Variants in ATP8A1 observed in about 807,000 individuals in gnomAD.
The protein encoded by ATP8A1 is ATPase phospholipid transporting 8A1.
A neutral mutation model predicts 177.7 loss-of-function variants in ATP8A1; 90 were observed. The ratio of observed to expected loss-of-function variants is 0.51; its 90% CI spans 0.43 to 0.60. The LOEUF (loss-of-function observed/expected upper bound fraction) is 0.60. Ranked by LOEUF, ATP8A1 falls within the 20% of genes least tolerant of loss-of-function variation. ATP8A1 has a pLI of 0.00. For synonymous variants in ATP8A1, 493 were observed against 485.9 expected, an observed-to-expected ratio of 1.01 and a Z score of -0.19; for missense variants, 1,072 against 1,392.8, an observed-to-expected ratio of 0.77 and a Z score of 3.67.
At chr4:42,483,722 A>C (rs1332329854) in intron 25 of ATP8A1, among the ~76,000 whole-genome samples, 4 of 152,130 alleles carry the variant, frequency 2.6e-5, no homozygotes, top group Non-Finnish European at 5.9e-5. Flanking sequence ...CGACTTTTTG[A>C]AGAATGGTGG....
At chr4:42,424,176 T>C (rs1714316093) in intron 33 of ATP8A1, among the ~76,000 whole-genome samples, 1 of 152,018 alleles carries the variant, frequency 6.6e-6, no homozygotes, top group South Asian at 2.1e-4. Flanking sequence ...AAACCAAATA[T>C]CTTGTATGTA....
At position 42,586,625 on chromosome 4, in the gene ATP8A1, TAA is replaced by T. The variant is rs904667997; in HGVS notation, c.595-151_595-150del. On this transcript the variant is annotated intron_variant, in intron 8 of 36. Coordinates refer to ENST00000381668, the MANE Select transcript of ATP8A1 (RefSeq NM_006095.2). ...CTCCTCTACTCTGTCAAATCATAATTAAGAGACACCTTCCTCCCTGACTTGAG... is the reference window on the plus strand; with the variant it reads ...CTCCTCTACTCTGTCAAATCATAATTGAGACACCTTCCTCCCTGACTTGAG... The T allele has an allele frequency of 8.1e-5, 65 of 802,724 alleles. No homozygotes were observed. The African/African-American group carries it at 1.1e-3, about 14-fold the overall frequency. The allele number at this position is 802,724 out of a possible 1,614,324, so 49.7% of individuals were successfully genotyped here. A position where few individuals can be genotyped will look rare whatever the true frequency, so the allele number is the denominator to read the frequency against.
intron 15 of ATP8A1, among the ~76,000 whole-genome samples, chr4:42,560,349 T>C (rs571569918): frequency 1.2e-4 from 19 of 152,098 alleles, no homozygotes; most frequent in Non-Finnish European, 2.4e-4. Context: ...CTCCTTGAAT[T>C]TGTAATATGT....
intron 3 of ATP8A1, chr4:42,625,201 A>G (rs1737931247): frequency 6.5e-6 from 1 of 153,530 alleles, no homozygotes; most frequent in Non-Finnish European, 1.4e-5. Context: ...ATATTTTTTC[A>G]AATTTAAGCA....
At chr4:42,428,045 C>T (rs749939306) in intron 33 of ATP8A1, among the ~76,000 whole-genome samples, 1 of 152,188 alleles carries the variant, frequency 6.6e-6, no homozygotes, top group Non-Finnish European at 1.5e-5. Flanking sequence ...TGAATGTTAT[C>T]CAAGCTGTGA....
At chr4:42,490,339 A>G (rs76337106) in intron 24 of ATP8A1, among the ~76,000 whole-genome samples, 6,175 of 152,182 alleles carry the variant, frequency 0.041, 204 homozygotes, top group South Asian at 0.092. Context: ...AAGCCACCTC[A>G]CTGCGAGGGC....
chr4:42,433,412 C>A (rs1715525031), intron 33 of ATP8A1, among the ~76,000 whole-genome samples: 1 of 152,130 alleles, frequency 6.6e-6, no homozygotes, highest in Admixed American at 6.5e-5. Flanking sequence ...ATCCACTGAA[C>A]CCGGTATAGG....
intron 15 of ATP8A1, among the ~76,000 whole-genome samples, chr4:42,560,699 G>A (rs562469148): frequency 6.6e-6 from 1 of 152,042 alleles, no homozygotes; most frequent in African/African-American, 2.4e-5. Flanking sequence ...AATGTCCTGA[G>A]TAGACAGAAT....
chr4:42,468,329 A>C (rs773586087), intron 25 of ATP8A1, among the ~76,000 whole-genome samples: 1 of 152,132 alleles, frequency 6.6e-6, no homozygotes, highest in Non-Finnish European at 1.5e-5. Flanking sequence ...GACCAGCCCA[A>C]ATGCCCATCA....
chr4:42,570,020 T>C (rs772193227), intron 14 of ATP8A1, among the ~76,000 whole-genome samples: 1 of 152,184 alleles, frequency 6.6e-6, no homozygotes, highest in Non-Finnish European at 1.5e-5. Context: ...AGTTTTAAAA[T>C]GCAGAGTTCA....
chr4:42,542,771 CT>C (rs371080358), intron 20 of ATP8A1, among the ~76,000 whole-genome samples: 1 of 152,052 alleles, frequency 6.6e-6, no homozygotes, highest in Non-Finnish European at 1.5e-5. Context: ...TGAACTCATC[CT>C]TTTTTATGGT....
At chr4:42,528,992 A>G (rs1413833600) in intron 20 of ATP8A1, among the ~76,000 whole-genome samples, 1 of 152,170 alleles carries the variant, frequency 6.6e-6, no homozygotes, top group Non-Finnish European at 1.5e-5. Context: ...CCCCTCCTAC[A>G]ATGAGAGGCA....
rs1286852465 is a variant in ATP8A1, at chr4:42,581,743, T to C, written c.723-11A>G. 10 of 1,593,058 alleles carry C rather than the reference T, an allele frequency of 6.3e-6. No homozygotes were observed. Among genetic ancestry groups the C allele is most frequent in the Non-Finnish European group, 8.6e-6 (10 of 1,162,172 alleles). ...CCCAGTGGAACGGTGCTAGGACAGATTACGTTGACATTAGAAACAGTATTT... is the reference window on the plus strand; with the variant it reads ...CCCAGTGGAACGGTGCTAGGACAGACTACGTTGACATTAGAAACAGTATTT... On this transcript the variant is annotated splice_polypyrimidine_tract_variant and intron_variant, in intron 9 of 36. Coordinates refer to ENST00000381668, the MANE Select transcript of ATP8A1 (RefSeq NM_006095.2).
chr4:42,569,268 T>A, intron 14 of ATP8A1, 63 bp from the exon 15 acceptor site: 1 of 1,330,642 alleles, frequency 7.5e-7, no homozygotes, highest in Non-Finnish European at 1.0e-6. Context: ...GCTGGAAACA[T>A]AAAACCACGA....
intron 25 of ATP8A1, among the ~76,000 whole-genome samples, chr4:42,468,412 CATATTTT>C (rs889165191): frequency 1.4e-5 from 2 of 146,084 alleles, no homozygotes; most frequent in Non-Finnish European, 3.0e-5. Context: ...TTTATATATA[CATATTTT>C]ATATATTTTA....
Position 42,581,686 on chromosome 4 carries a change from A to G in ATP8A1, c.769T>C (p.Leu257=). The G allele has an allele frequency of 6.2e-7, 1 of 1,614,236 alleles. No individual in the cohort carries two copies. Among genetic ancestry groups the G allele is most frequent in the African/African-American group, 1.3e-5 (1 of 75,070 alleles). The part of the protein sequence containing the change: ...ADQILLRGAQ[L]RNTQWVHGIV... ...CCATGAACCCACTGTGTATTTCTCA[A>G]CTGAGCTCCTCGAAGAAGAATCTGA... The change falls in exon 10 of 37, where the codon TTG becomes CTG. Residue 257 remains leucine, a synonymous_variant. Coordinates refer to ENST00000381668, the MANE Select transcript of ATP8A1 (RefSeq NM_006095.2).
chr4:42,455,716 A>G (rs1027873643), intron 27 of ATP8A1, 117 bp from the exon 28 acceptor site: 15 of 852,340 alleles, frequency 1.8e-5, no homozygotes, highest in African/African-American at 1.7e-4. Flanking sequence ...TATACTCATG[A>G]CTCTTTTGAA....
intron 1 of ATP8A1, among the ~76,000 whole-genome samples, chr4:42,651,557 A>G (rs533733215): frequency 6.6e-6 from 1 of 152,348 alleles, no homozygotes; most frequent in South Asian, 2.1e-4. Flanking sequence ...CGTTTGTAAC[A>G]CAACACTGGG....
rs371338524 is a variant in ATP8A1, at chr4:42,559,053, C to G, written c.1341-3013G>C. ...AGCCAGGTCTGGTGGTATGCACCAG[C>G]TGGTGGTGTGTAATCCCAGCTACTT... is the stretch of plus-strand genomic sequence containing the variant. On this transcript the variant is annotated intron_variant, in intron 15 of 36. Transcript: ENST00000381668. 2.8e-3 allele frequency among the ~76,000 whole-genome samples: 425 copies of G among 152,094 alleles called. 10 individuals are homozygous for G. The South Asian group carries it at 0.061, about 22-fold the overall frequency.
Sources: allele counts gnomAD v4.1 joint callset (sites outside exome capture counted in the v4.1 genomes callset), GRCh38; gene constraint gnomAD v4.1.1; transcripts MANE v1.5; gene names NCBI Gene and HGNC (gene_info 2026-07-23, HGNC 2026-07-21).